Variants in HS3ST5 observed in about 807,000 individuals in gnomAD.
HS3ST5 encodes heparan sulfate-glucosamine 3-sulfotransferase 5.
In HS3ST5, 10 loss-of-function variants were observed where a neutral mutation model predicts 25.4. That is an observed-to-expected ratio of 0.39 (90% confidence interval 0.24 to 0.67). The LOEUF (loss-of-function observed/expected upper bound fraction) is 0.67. HS3ST5 is among the 30% of genes least tolerant of loss of function. The pLI, the probability that HS3ST5 is intolerant of heterozygous loss-of-function variation, is 0.44. For synonymous variants in HS3ST5, 170 were observed against 162.4 expected, an observed-to-expected ratio of 1.05 and a Z score of -0.36; for missense variants, 324 against 420.7, an observed-to-expected ratio of 0.77 and a Z score of 2.01.
intron 1 of HS3ST5, among the ~76,000 whole-genome samples, chr6:114,254,977 C>T (rs1772838346): frequency 6.6e-6 from 1 of 152,152 alleles, no homozygotes; most frequent in African/African-American, 2.4e-5. Flanking sequence ...CCAATCATGC[C>T]TTCCCAACAG....
chr6:114,072,200 T>C (rs998501531), intron 3 of HS3ST5, among the ~76,000 whole-genome samples: 1 of 152,148 alleles, frequency 6.6e-6, no homozygotes, highest in African/African-American at 2.4e-5. Flanking sequence ...GAGTTGAGTG[T>C]TTAAAAAGAA....
intron 3 of HS3ST5, among the ~76,000 whole-genome samples, chr6:114,164,158 T>TA (rs1171769254): frequency 1.3e-4 from 13 of 97,152 alleles, no homozygotes; most frequent in African/African-American, 4.8e-4. Flanking sequence ...TTTTGCTATT[T>TA]CACTATCTTG....
chr6:114,162,320 T>C (rs901793372), intron 3 of HS3ST5, among the ~76,000 whole-genome samples: 2 of 152,178 alleles, frequency 1.3e-5, no homozygotes, highest in African/African-American at 4.8e-5. Flanking sequence ...AAAATTAGTG[T>C]ATTTTGTCTG....
chr6:114,276,367 T>G (rs1773852962), intron 1 of HS3ST5, among the ~76,000 whole-genome samples: 1 of 151,944 alleles, frequency 6.6e-6, no homozygotes, highest in Non-Finnish European at 1.5e-5. Context: ...GCCATGCACA[T>G]AAAATGTTAT....
At chr6:114,247,694 C>T (rs1288549258) in intron 1 of HS3ST5, among the ~76,000 whole-genome samples, 2 of 151,706 alleles carry the variant, frequency 1.3e-5, no homozygotes, top group Non-Finnish European at 2.9e-5. Flanking sequence ...CATCATTCAG[C>T]TTTCTCCATG....
At chr6:114,077,228 T>C (rs961864293) in intron 3 of HS3ST5, among the ~76,000 whole-genome samples, 4 of 152,182 alleles carry the variant, frequency 2.6e-5, no homozygotes, top group Non-Finnish European at 4.4e-5. Flanking sequence ...AAGGAGCCAG[T>C]TAATTCTGCT....
chr6:114,141,858 T>TTGTGTGTGTGTGTGTG (rs59862071), intron 3 of HS3ST5, among the ~76,000 whole-genome samples: 1 of 141,266 alleles, frequency 7.1e-6, no homozygotes, highest in African/African-American at 2.6e-5. Context: ...AGATGATAGT[T>TTGTGTGTGTGTGTGTG]TGTGTGTGTG....
intron 1 of HS3ST5, among the ~76,000 whole-genome samples, chr6:114,274,745 G>A (rs1773776885): frequency 6.6e-6 from 1 of 152,044 alleles, no homozygotes; most frequent in African/African-American, 2.4e-5. Flanking sequence ...GGCTTTAAGA[G>A]TGGTTGCAGC....
chr6:114,314,061 G>T (rs1202274076), intron 1 of HS3ST5, among the ~76,000 whole-genome samples: 1 of 152,154 alleles, frequency 6.6e-6, no homozygotes, highest in East Asian at 1.9e-4. Flanking sequence ...GAGTAGCTGG[G>T]ATTACAGGCA....
At chr6:114,127,855 T>TGGAG (rs1554211347) in intron 3 of HS3ST5, among the ~76,000 whole-genome samples, 1 of 147,046 alleles carries the variant, frequency 6.8e-6, no homozygotes, top group Non-Finnish European at 1.5e-5. Context: ...TATATATATA[T>TGGAG]AGAGAGAGAG....
intron 3 of HS3ST5, among the ~76,000 whole-genome samples, chr6:114,101,835 G>A (rs906540312): frequency 6.6e-6 from 1 of 152,174 alleles, no homozygotes; most frequent in Non-Finnish European, 1.5e-5. Context: ...TAAAGAAAAT[G>A]TGGTACATGT....
chr6:114,105,304 T>C (rs978378691), intron 3 of HS3ST5, among the ~76,000 whole-genome samples: 1 of 152,170 alleles, frequency 6.6e-6, no homozygotes, highest in Non-Finnish European at 1.5e-5. Flanking sequence ...TTTCAGCTAG[T>C]ATGCTACTTT....
intron 2 of HS3ST5, among the ~76,000 whole-genome samples, chr6:114,178,126 C>T (rs928931517): frequency 6.6e-6 from 1 of 152,166 alleles, no homozygotes; most frequent in South Asian, 2.1e-4. Flanking sequence ...GATACCAATG[C>T]TTCCCTTAGC....
In HS3ST5 at chr6:114,063,669, G is replaced by A. The variant is rs12523954; in HGVS notation, c.-32-792C>T. On this transcript the variant is annotated intron_variant, in intron 3 of 4. Transcript: ENST00000312719. ...ACATATTTTAATTACATATGTTTTT[G>A]TTTTGTTTTAGTTGTGAGTAGAAGA... Among the ~76,000 whole-genome samples, 50 of 152,266 alleles carry A rather than the reference G, an allele frequency of 3.3e-4. 1 individual carries two copies. Among genetic ancestry groups the A allele is most frequent in the Admixed American group, 3.3e-3 (50 of 15,300 alleles).
At chr6:114,247,007 C>A (rs1163724510) in intron 1 of HS3ST5, among the ~76,000 whole-genome samples, 2 of 152,176 alleles carry the variant, frequency 1.3e-5, no homozygotes, top group African/African-American at 4.8e-5. Flanking sequence ...TTAAACAAAA[C>A]TTACTTCTTT....
intron 2 of HS3ST5, among the ~76,000 whole-genome samples, chr6:114,196,247 G>A (rs1780748128): frequency 6.6e-6 from 1 of 152,018 alleles, no homozygotes; most frequent in South Asian, 2.1e-4. Context: ...TGATGCATTG[G>A]CGAGACTGTA....
At chr6:114,072,400 G>T (rs943939937) in intron 3 of HS3ST5, among the ~76,000 whole-genome samples, 1 of 152,102 alleles carries the variant, frequency 6.6e-6, no homozygotes. Context: ...TACTTTGGAA[G>T]CCAGTTGTTA....
chr6:114,275,455 GAA>G (rs140331842), intron 1 of HS3ST5, among the ~76,000 whole-genome samples: 1 of 151,878 alleles, frequency 6.6e-6, no homozygotes, highest in Non-Finnish European at 1.5e-5. Context: ...CAGAAACTGT[GAA>G]AAAGGGAATG....
rs1776705930 is a variant in HS3ST5, at chr6:114,119,965, T to C, written c.-33+48386A>G. ...TTCGAGACCGGCCTGGCCAACGTGA[T>C]GAAACCCCGTCTCTACCAAAAATAC... On this transcript the variant is annotated intron_variant, in intron 3 of 4. Coordinates refer to ENST00000312719, the MANE Select transcript of HS3ST5 (RefSeq NM_153612.4). Among the ~76,000 whole-genome samples the C allele has an allele frequency of 2.0e-5, 3 of 152,038 alleles. No individual in the cohort carries two copies. In the South Asian group the frequency reaches 6.2e-4, roughly 32 times the overall value.
Sources: gnomAD v4.1 joint callset for allele counts (sites outside exome capture counted in the v4.1 genomes callset) on GRCh38, gnomAD v4.1.1 for gene constraint, MANE v1.5 for transcripts, NCBI Gene and HGNC (gene_info 2026-07-23, HGNC 2026-07-21) for gene names.